The following ANO1 variants were observed in gnomAD, a reference collection of about 807,000 sequenced individuals.
ANO1 encodes the protein anoctamin-1.
In ANO1, 59 loss-of-function variants were observed where a neutral mutation model predicts 124.0. The ratio of observed to expected loss-of-function variants is 0.48; its 90% CI spans 0.39 to 0.59. The LOEUF (loss-of-function observed/expected upper bound fraction) is 0.59. ANO1 is among the 20% of genes least tolerant of loss of function. The probability of loss-of-function intolerance (pLI) is 0.00; values close to 1 mark genes in which losing one functional copy is unlikely to be tolerated. For missense variants in ANO1, 1,059 were observed against 1,328.0 expected (o/e 0.80, Z 3.15); for synonymous variants, 529 against 532.0 (o/e 0.99, Z 0.08).
At chr11:70,159,859 G>A (rs1335878980) in intron 16 of ANO1, among the ~76,000 whole-genome samples, 1 of 152,258 alleles carries the variant, frequency 6.6e-6, no homozygotes, top group East Asian at 1.9e-4. Context: ...TGGCCAGGGA[G>A]TGGTCCCCAC....
At chr11:70,088,995 G>A (rs1487194821) in intron 2 of ANO1, among the ~76,000 whole-genome samples, 1 of 152,222 alleles carries the variant, frequency 6.6e-6, no homozygotes, top group Admixed American at 6.5e-5. Flanking sequence ...GGGGCCGAGG[G>A]TGCAGCTGTG....
chr11:69,992,478 C>A (rs902869), intron 1 of ANO1, among the ~76,000 whole-genome samples: 37,901 of 152,032 alleles, frequency 0.25, 4,799 homozygotes, highest in African/African-American at 0.27. Flanking sequence ...AATTTCCCAC[C>A]TCCAAGAGTG....
chr11:70,152,830 G>A (rs1039851020), intron 13 of ANO1, among the ~76,000 whole-genome samples: 3 of 152,354 alleles, frequency 2.0e-5, no homozygotes, highest in South Asian at 2.1e-4. Flanking sequence ...GGCCAGATTC[G>A]GTGGCCCTCC....
intron 20 of ANO1, 72 bp from the exon 21 acceptor site, chr11:70,167,170 C>T: frequency 6.4e-7 from 1 of 1,557,860 alleles, no homozygotes; most frequent in African/African-American, 1.4e-5. Flanking sequence ...AGACACATCA[C>T]TAGAGGTGCC....
chr11:69,988,367 C>G (rs56363382), intron 1 of ANO1, among the ~76,000 whole-genome samples: 1 of 152,162 alleles, frequency 6.6e-6, no homozygotes, highest in Non-Finnish European at 1.5e-5. Context: ...AGCCCTGTGC[C>G]CTCGGCCAAC....
the ANO1 span, among the ~76,000 whole-genome samples, chr11:69,976,738 T>G: frequency 6.6e-6 from 1 of 152,078 alleles, no homozygotes; most frequent in African/African-American, 2.4e-5. Flanking sequence ...TTTCAGCCAC[T>G]CTATCTGTAG....
intron 22 of ANO1, among the ~76,000 whole-genome samples, chr11:70,175,822 G>C (rs550303898): frequency 6.6e-6 from 1 of 152,226 alleles, no homozygotes; most frequent in Non-Finnish European, 1.5e-5. Context: ...TAAAAATGAG[G>C]CAATTTTCCC....
intron 1 of ANO1, among the ~76,000 whole-genome samples, chr11:70,019,244 CACACACA>C (rs1565162200): frequency 7.6e-6 from 1 of 131,658 alleles, no homozygotes; most frequent in African/African-American, 2.8e-5. Flanking sequence ...AGAACCCCCC[CACACACA>C]CACACACACA....
chr11:70,185,729 G>A (rs1236727147), intron 25 of ANO1, 34 bp downstream of exon 25: 5 of 1,605,948 alleles, frequency 3.1e-6, no homozygotes, highest in Non-Finnish European at 4.3e-6. Flanking sequence ...CCGGTTTGAA[G>A]ATGGGAGCAT....
intron 14 of ANO1, among the ~76,000 whole-genome samples, chr11:70,153,889 C>G (rs1483202353): frequency 6.6e-6 from 1 of 152,076 alleles, no homozygotes; most frequent in Non-Finnish European, 1.5e-5. Flanking sequence ...CCTCAGCCTC[C>G]CGGGTACCTG....
chr11:70,182,329 G>C (rs1368712199), intron 23 of ANO1, among the ~76,000 whole-genome samples, 173 bp from the exon 24 acceptor site: 1 of 152,214 alleles, frequency 6.6e-6, no homozygotes, highest in Non-Finnish European at 1.5e-5. Context: ...AGGAACACCC[G>C]CGACCCTGCA....
At chr11:70,076,263 G>A (rs2044054892), upstream of ANO1, among the ~76,000 whole-genome samples, 1 of 152,208 alleles carries the variant, frequency 6.6e-6, no homozygotes. Context: ...ACTGTTTCTT[G>A]AGTAAAGCCG....
rs543311409 is a variant in ANO1 at position 70,136,758 on chromosome 11, C to A, written c.1258+4679C>A. On this transcript the variant is annotated intron_variant, in intron 11 of 25. Coordinates refer to ENST00000355303, the MANE Select transcript of ANO1 (RefSeq NM_018043.7). ...GTGTGAGGGACAGGTCTTGCTTTCC[C>A]GGGATTCCAGTCACAGGTGGGGACA... 4.5e-4 allele frequency among the ~76,000 whole-genome samples: 67 copies of A among 148,028 alleles called. 10 individuals carry two copies. The highest frequency in any genetic ancestry group is 8.4e-4 in the Non-Finnish European group (56 of 66,330).
rs1281721156 is a variant in ANO1 at position 70,021,325 on chromosome 11, T to C, written c.58+35159T>C. The stretch of plus-strand genomic sequence containing the variant: ...AACGTGCTCACTGACTTGACGAACG[T>C]TGGTTAGGCCTCGTGCATGCGAGGG... On this transcript the variant is annotated intron_variant, in intron 1 of 27. Coordinates refer to the ANO1 transcript ENST00000531349. 3.9e-5 allele frequency among the ~76,000 whole-genome samples: 6 copies of C among 152,264 alleles called. No individual in the cohort carries two copies. The East Asian group carries it at 7.7e-4, about 20-fold the overall frequency.
chr11:70,092,947 G>A (rs955126095), intron 2 of ANO1, among the ~76,000 whole-genome samples: 1 of 152,140 alleles, frequency 6.6e-6, no homozygotes, highest in Admixed American at 6.5e-5. Context: ...GCAGGAAAGG[G>A]CAGGAAAAGA....
chr11:70,177,988 T>G (rs570917599), intron 22 of ANO1, among the ~76,000 whole-genome samples: 121 of 152,388 alleles, frequency 7.9e-4, no homozygotes, highest in African/African-American at 2.9e-3. Flanking sequence ...CCATGCTGCC[T>G]GGATGGGGCC....
chr11:69,966,717 C>T, the ANO1 span, among the ~76,000 whole-genome samples: 73 of 152,284 alleles, frequency 4.8e-4, no homozygotes, highest in African/African-American at 1.6e-3. Flanking sequence ...TCAACCCTGC[C>T]TAGGCAGAAC....
rs1376461272 is a variant in ANO1, at chr11:70,098,930, G to A, written c.442-4136G>A. Among the ~76,000 whole-genome samples, 8 of 152,284 alleles carry A rather than the reference G, an allele frequency of 5.3e-5. No homozygotes were observed. The East Asian group carries it at 1.5e-3, about 29-fold the overall frequency. ...AAATGTCAGAAGCAATTCCAGGAAG[G>A]TCAGAGTTCTTCTGGGCTGGGTTCA... On this transcript the variant is annotated intron_variant, in intron 2 of 25. Transcript: ENST00000355303.
At chr11:70,076,809 T>A (rs762268730), upstream of ANO1, among the ~76,000 whole-genome samples, 2 of 152,210 alleles carry the variant, frequency 1.3e-5, no homozygotes, top group African/African-American at 4.8e-5. Flanking sequence ...TTCAAGGAAG[T>A]CACAGACTTG....
Sources: gnomAD v4.1 joint callset for allele counts (sites outside exome capture counted in the v4.1 genomes callset) on GRCh38, gnomAD v4.1.1 for gene constraint, MANE v1.5 for transcripts, NCBI Gene and HGNC (gene_info 2026-07-23, HGNC 2026-07-21) for gene names.